Variants in ZNF385D observed in about 807,000 individuals in gnomAD.
ZNF385D encodes the protein zinc finger protein 385D.
In ZNF385D, 15 loss-of-function variants were observed where a neutral mutation model predicts 35.8. The observed-to-expected ratio is 0.42, with a 90% CI of 0.28 to 0.64. The LOEUF (loss-of-function observed/expected upper bound fraction) is 0.64, where lower values mean the gene tolerates loss of function less well. ZNF385D is among the 30% of genes least tolerant of loss of function. ZNF385D has a pLI of 0.23. For synonymous variants in ZNF385D, 212 were observed against 186.8 expected (o/e 1.13, Z -1.10); for missense variants, 474 against 494.6 (o/e 0.96, Z 0.39).
chr3:22,332,601 T>C (rs1466071613), intron 2 of ZNF385D, among the ~76,000 whole-genome samples: 3 of 152,030 alleles, frequency 2.0e-5, no homozygotes, highest in Non-Finnish European at 2.9e-5. Flanking sequence ...AAAAATTCAG[T>C]AAGATAATTA....
intron 2 of ZNF385D, among the ~76,000 whole-genome samples, chr3:22,251,565 A>G (rs757229736): frequency 7.2e-5 from 11 of 152,062 alleles, no homozygotes; most frequent in Non-Finnish European, 1.5e-4. Flanking sequence ...ATTTTGGTGG[A>G]GGGCTGTCTT....
chr3:21,489,713 CAT>C (rs1705283497), intron 4 of ZNF385D, among the ~76,000 whole-genome samples: 1 of 152,124 alleles, frequency 6.6e-6, no homozygotes. Context: ...TTATCTGCCT[CAT>C]ATCTGCCCCA....
At chr3:22,162,990 T>C (rs928639667) in intron 3 of ZNF385D, among the ~76,000 whole-genome samples, 6 of 152,152 alleles carry the variant, frequency 3.9e-5, no homozygotes, top group Admixed American at 3.3e-4. Context: ...AGAGTGAGGT[T>C]AGCCTGTGAT....
chr3:22,075,692 T>G (rs1216082947), intron 3 of ZNF385D, among the ~76,000 whole-genome samples: 1 of 151,964 alleles, frequency 6.6e-6, no homozygotes, highest in Non-Finnish European at 1.5e-5. Context: ...CAAAGAAGTT[T>G]TGATACATTC....
intron 3 of ZNF385D, among the ~76,000 whole-genome samples, chr3:21,890,142 A>C (rs1015959862): frequency 6.6e-6 from 1 of 152,194 alleles, no homozygotes; most frequent in African/African-American, 2.4e-5. Context: ...GATGCAATTC[A>C]ACCCATAACA....
intron 3 of ZNF385D, among the ~76,000 whole-genome samples, chr3:22,128,004 T>G (rs962034622): frequency 3.3e-5 from 5 of 152,188 alleles, no homozygotes; most frequent in Non-Finnish European, 7.4e-5. Context: ...GATTTCTCAT[T>G]GCTCATTACA....
chr3:22,058,458 A>G (rs1699523606), intron 3 of ZNF385D, among the ~76,000 whole-genome samples: 1 of 152,172 alleles, frequency 6.6e-6, no homozygotes. Context: ...ATACTTACTC[A>G]TAGCCTCTTT....
In ZNF385D at chr3:21,539,817, G is replaced by A. The variant is rs2062128456; in HGVS notation, c.276+24757C>T. Among the ~76,000 whole-genome samples the A allele has an allele frequency of 6.6e-6, 1 of 151,928 alleles. No homozygotes were observed. The highest frequency in any genetic ancestry group is 6.6e-5 in the Admixed American group (1 of 15,260). ...GTCTTAAGAAATATGGGTTGGCTTGGAGAAATAAGAAATATTTTTACTACA... is the reference window on the plus strand; with the variant it reads ...GTCTTAAGAAATATGGGTTGGCTTGAAGAAATAAGAAATATTTTTACTACA... On this transcript the variant is annotated intron_variant, in intron 3 of 7. Coordinates refer to ENST00000281523, the MANE Select transcript of ZNF385D (RefSeq NM_024697.3). The surrounding 1 kb of genome is among the most constrained non-coding windows in gnomAD (Gnocchi z 4.0).
intron 3 of ZNF385D, among the ~76,000 whole-genome samples, chr3:21,910,010 CA>C (rs1018303048): frequency 6.6e-6 from 1 of 151,970 alleles, no homozygotes; most frequent in African/African-American, 2.4e-5. Context: ...TTCTCAGGCA[CA>C]TGCACTATTT....
intron 3 of ZNF385D, among the ~76,000 whole-genome samples, chr3:22,132,430 T>C (rs13082973): frequency 0.13 from 19,789 of 152,114 alleles, 1,358 homozygotes; most frequent in Middle Eastern, 0.17. Context: ...TATTTTGTAA[T>C]AGCAGTTCAA....
intron 3 of ZNF385D, among the ~76,000 whole-genome samples, chr3:22,127,947 A>G (rs1315305578): frequency 1.3e-5 from 2 of 152,170 alleles, no homozygotes; most frequent in Non-Finnish European, 2.9e-5. Context: ...ACTGCAGTGT[A>G]TCTGTCTGTG....
At chr3:21,768,677 G>A (rs1575616363) in intron 3 of ZNF385D, among the ~76,000 whole-genome samples, 1 of 151,942 alleles carries the variant, frequency 6.6e-6, no homozygotes, top group Middle Eastern at 3.2e-3. Flanking sequence ...GGGAATATGT[G>A]CTTTGATCAC....
intron 3 of ZNF385D, among the ~76,000 whole-genome samples, chr3:21,874,344 G>T (rs1393524035): frequency 6.6e-6 from 1 of 151,772 alleles, no homozygotes; most frequent in African/African-American, 2.4e-5. Flanking sequence ...TCTTAACCAG[G>T]TTATTTGTTT....
intron 1 of ZNF385D, among the ~76,000 whole-genome samples, chr3:21,744,735 A>G (rs2069681359): frequency 6.6e-6 from 1 of 152,148 alleles, no homozygotes; most frequent in South Asian, 2.1e-4. Flanking sequence ...CCGGCTTTAC[A>G]CTGCAGAGTC....
chr3:22,178,856 T>G (rs148338457), intron 2 of ZNF385D, among the ~76,000 whole-genome samples: 241 of 152,334 alleles, frequency 1.6e-3, no homozygotes, highest in African/African-American at 5.2e-3. Context: ...TTTCCCCATT[T>G]CTTGTTTTTG....
intron 3 of ZNF385D, among the ~76,000 whole-genome samples, chr3:21,818,833 G>A (rs2073272619): frequency 6.6e-6 from 1 of 151,738 alleles, no homozygotes; most frequent in South Asian, 2.1e-4. Flanking sequence ...ATCATTTCAG[G>A]TTGAAGAAAA....
rs546498751 is a variant in ZNF385D at position 22,117,879 on chromosome 3, G to A, written c.325+50938C>T. ...GTAACAATCATTTAAAGGATTTGTG[G>A]ATTTTAAAAACGTAATTTCATGTGG... On this transcript the variant is annotated intron_variant, in intron 3 of 5. Coordinates refer to the ZNF385D transcript ENST00000494108. Among the ~76,000 whole-genome samples, 6 of 152,050 alleles carry A rather than the reference G, an allele frequency of 3.9e-5. 1 individual carries two copies. Among genetic ancestry groups the A allele is most frequent in the African/African-American group, 1.2e-4 (5 of 41,512 alleles).
At position 21,738,558 on chromosome 3, in the gene ZNF385D, C is replaced by T. The variant is rs192490391; in HGVS notation, c.22+12337G>A. On this transcript the variant is annotated intron_variant, in intron 1 of 7. Coordinates refer to ENST00000281523, the MANE Select transcript of ZNF385D (RefSeq NM_024697.3). ...GTTGCCATTATTATCTCAACTGATT[C>T]GGAAGCTGAGGCTCAGGACAATTCA... is the stretch of plus-strand genomic sequence containing the variant. 2.8e-3 allele frequency among the ~76,000 whole-genome samples: 431 copies of T among 152,276 alleles called. 2 individuals are homozygous for T. The highest frequency in any genetic ancestry group is 0.012 in the South Asian group (58 of 4,824).
intron 2 of ZNF385D, among the ~76,000 whole-genome samples, chr3:22,294,515 TTA>T (rs1229562420): frequency 3.9e-5 from 6 of 152,148 alleles, no homozygotes; most frequent in Non-Finnish European, 7.4e-5. Context: ...GGAATGTTTT[TTA>T]TTTCCTTAAG....
Sources: gnomAD v4.1 joint callset for allele counts (sites outside exome capture counted in the v4.1 genomes callset) on GRCh38, gnomAD v4.1.1 for gene constraint, Gnocchi (gnomAD v3.1) non-coding constraint, MANE v1.5 for transcripts, NCBI Gene and HGNC (gene_info 2026-07-23, HGNC 2026-07-21) for gene names.